CD5: variants seen among roughly 807,000 people sequenced by gnomAD.
CD5 encodes CD5 molecule, also known as T-cell surface glycoprotein CD5.
A neutral mutation model predicts 60.3 loss-of-function variants in CD5; 36 were observed. The ratio of observed to expected loss-of-function variants is 0.60; its 90% CI spans 0.46 to 0.79. CD5 has a LOEUF of 0.79. Ranked by LOEUF, CD5 falls within the 30% of genes least tolerant of loss-of-function variation. The pLI, the probability that CD5 is intolerant of heterozygous loss-of-function variation, is 0.00. For synonymous variants in CD5, 230 were observed against 257.6 expected, an observed-to-expected ratio of 0.89 and a Z score of 1.03; for missense variants, 540 against 630.6, an observed-to-expected ratio of 0.86 and a Z score of 1.54.
chr11:61,126,693 T>C lies in CD5; in HGVS notation c.*408T>C, dbSNP rs779774780. 2 of 152,308 alleles carry C rather than the reference T, an allele frequency of 1.3e-5. No homozygotes were observed. The highest frequency in any genetic ancestry group is 6.5e-5 in the Admixed American group (1 of 15,286). 9.4% of individuals were successfully genotyped at this position (152,308 alleles called of 1,614,324 possible). A position where few individuals can be genotyped will look rare whatever the true frequency, so the allele number is the denominator to read the frequency against. On this transcript the variant is annotated 3_prime_UTR_variant, in exon 11 of 11. Coordinates refer to ENST00000347785, the MANE Select transcript of CD5 (RefSeq NM_014207.4). ...TGCATTTTGAATAGTTTTTTGTAAG[T>C]AGTGCTTTTCCTCCTTCCTGACAAA...
At chr11:61,111,379 C>T (rs919783700) in intron 1 of CD5, among the ~76,000 whole-genome samples, 8 of 152,190 alleles carry the variant, frequency 5.3e-5, no homozygotes, top group East Asian at 1.9e-4. Context: ...ATACCAGGAA[C>T]GTACTCAACT....
intron 2 of CD5, among the ~76,000 whole-genome samples, chr11:61,117,703 T>C (rs544937): frequency 2.0e-5 from 3 of 152,174 alleles, no homozygotes; most frequent in Non-Finnish European, 4.4e-5. Flanking sequence ...TTCACCATGT[T>C]GGCCAGGCTG....
intron 8 of CD5, 65 bp from the exon 9 acceptor site, chr11:61,124,967 C>T: frequency 6.2e-7 from 1 of 1,605,530 alleles, no homozygotes; most frequent in African/African-American, 1.3e-5. Flanking sequence ...GTTCTGGGCA[C>T]CTGCTGGGGA....
At chr11:61,109,957 G>C (rs1860829471) in intron 1 of CD5, among the ~76,000 whole-genome samples, 2 of 152,144 alleles carry the variant, frequency 1.3e-5, no homozygotes, top group South Asian at 4.1e-4. Flanking sequence ...TCCTGGTCTG[G>C]AGTCTCGGGG....
chr11:61,098,505 T>A (rs1335667434), upstream of CD5, among the ~76,000 whole-genome samples: 1 of 152,190 alleles, frequency 6.6e-6, no homozygotes, highest in Non-Finnish European at 1.5e-5. Context: ...CACCTGGGCT[T>A]GGTAGTTAAA....
chr11:61,121,970 G>C, intron 6 of CD5, 66 bp downstream of exon 6: 1 of 1,399,062 alleles, frequency 7.1e-7, no homozygotes, highest in South Asian at 1.5e-5. Context: ...CCCGGTCAGG[G>C]TGCATGTCTC....
chr11:61,117,552 G>A (rs919575178), intron 2 of CD5, among the ~76,000 whole-genome samples: 4 of 151,868 alleles, frequency 2.6e-5, no homozygotes, highest in South Asian at 2.1e-4. Flanking sequence ...GCAGTGGCGC[G>A]ATCTTGGCTC....
Position 61,123,870 on chromosome 11 carries a change from T to C in CD5, c.1226-14T>C. The C allele has an allele frequency of 6.2e-7, 1 of 1,602,116 alleles. No homozygotes were observed. The highest frequency in any genetic ancestry group is 8.5e-7 in the Non-Finnish European group (1 of 1,173,556). On this transcript the variant is annotated splice_polypyrimidine_tract_variant and intron_variant, in intron 7 of 10. Coordinates refer to ENST00000347785, the MANE Select transcript of CD5 (RefSeq NM_014207.4). ...CCCCACCACTCTGATGTGCCTTTCT[T>C]GTCTCTTGCCCAGTCCGCCAGAAGA...
chr11:61,101,012 C>T (rs1234674552), upstream of CD5, among the ~76,000 whole-genome samples: 2 of 126,084 alleles, frequency 1.6e-5, no homozygotes, highest in African/African-American at 3.1e-5. Context: ...CACACATCAA[C>T]ATGGAGATCA....
chr11:61,101,898 A>C (rs903699682), upstream of CD5, among the ~76,000 whole-genome samples: 1 of 142,636 alleles, frequency 7.0e-6, no homozygotes, highest in Non-Finnish European at 1.5e-5. Context: ...CAACATGGAG[A>C]TCTCTCTCTC....
intron 1 of CD5, among the ~76,000 whole-genome samples, chr11:61,113,829 G>A (rs1432560443): frequency 6.6e-6 from 1 of 152,032 alleles, no homozygotes; most frequent in Non-Finnish European, 1.5e-5. Flanking sequence ...TCACCACGCC[G>A]AGCTAATTTT....
At chr11:61,123,482 G>A (rs1861099421) in intron 7 of CD5, among the ~76,000 whole-genome samples, 2 of 152,144 alleles carry the variant, frequency 1.3e-5, no homozygotes, top group African/African-American at 4.8e-5. Context: ...TGAACGCGGG[G>A]GGTTGTTCTC....
At chr11:61,115,562 G>C (rs914942937) in intron 2 of CD5, among the ~76,000 whole-genome samples, 1 of 152,188 alleles carries the variant, frequency 6.6e-6, no homozygotes, top group Non-Finnish European at 1.5e-5. Context: ...GGGTTCCATG[G>C]AGCATGTTGG....
rs372269608 is a variant in CD5, at chr11:61,125,155, A to T, written c.1399+4A>T. The T allele has an allele frequency of 1.2e-6, 2 of 1,613,998 alleles. No homozygotes were observed. The highest frequency in any genetic ancestry group is 1.7e-6 in the Non-Finnish European group (2 of 1,179,912). On this transcript the variant is annotated splice_donor_region_variant and intron_variant, in intron 9 of 10. Coordinates refer to ENST00000347785, the MANE Select transcript of CD5 (RefSeq NM_014207.4). ...TCCCACCTGTCAGCTTATCCAGGTA[A>T]GCACCAGCGGGTGCTCCCAGGCACG... is the stretch of plus-strand genomic sequence containing the variant.
intron 9 of CD5, 82 bp from the exon 10 acceptor site, chr11:61,125,669 C>A: frequency 1.1e-6 from 1 of 897,236 alleles, no homozygotes. Flanking sequence ...ATCTTCCAAC[C>A]CACTGTGGGC....
intron 1 of CD5, among the ~76,000 whole-genome samples, chr11:61,114,627 G>A (rs1273194014): frequency 2.6e-5 from 4 of 152,022 alleles, no homozygotes; most frequent in Admixed American, 1.3e-4. Context: ...GGTGAGGAGA[G>A]TGATATCCTG....
rs1385577548 is a variant in CD5, at chr11:61,102,539, A to C, written c.-22A>C. On this transcript the variant is annotated 5_prime_UTR_variant, in exon 1 of 11. Coordinates refer to ENST00000347785, the MANE Select transcript of CD5 (RefSeq NM_014207.4). Reference sequence around the variant, plus strand: ...CTGCGGTGCCCAGCTGCCCAGGCTGAGGCAAGAGAAGGCCAGAAACCATGC... The same window carrying C: ...CTGCGGTGCCCAGCTGCCCAGGCTGCGGCAAGAGAAGGCCAGAAACCATGC... 6.5e-7 allele frequency: 1 copy of C among 1,547,806 alleles called. No homozygotes were observed. The highest frequency in any genetic ancestry group is 1.2e-5 in the South Asian group (1 of 84,944).
the CD5 span, among the ~76,000 whole-genome samples, chr11:61,096,913 G>T: frequency 6.6e-6 from 1 of 152,142 alleles, no homozygotes; most frequent in African/African-American, 2.4e-5. Context: ...GCTCTCGAAG[G>T]AATCCAGGTT....
Position 61,123,024 on chromosome 11 carries a change from T to C in CD5, c.1217T>C (p.Val406Ala), listed in dbSNP as rs780760300. 1.2e-6 allele frequency: 2 copies of C among 1,611,740 alleles called. No homozygotes were observed. Among genetic ancestry groups the C allele is most frequent in the Admixed American group, 3.4e-5 (2 of 59,672 alleles). The change falls in exon 7 of 11, where the codon GTG becomes GCG. Residue 406 changes from valine to alanine, a missense_variant. Val to Ala is a moderately conservative substitution (Grantham distance 64, BLOSUM62 0). Transcript: ENST00000347785. ...VCGPLAYKKLVKKFRQKKQRQ... is the reference protein window; with the variant it reads ...VCGPLAYKKLAKKFRQKKQRQ... ...GGCCCCCTTGCCTACAAGAAGCTAG[T>C]GAAGAAATGTAGGTGTCACGGCCCT...
Sources: gnomAD v4.1 joint callset for allele counts (sites outside exome capture counted in the v4.1 genomes callset) on GRCh38, gnomAD v4.1.1 for gene constraint, MANE v1.5 for transcripts, NCBI Gene and HGNC (gene_info 2026-07-23, HGNC 2026-07-21) for gene names.